Variants in LEKR1 observed in about 807,000 individuals in gnomAD.
LEKR1 encodes leucine, glutamate and lysine rich 1.
In LEKR1, 59 loss-of-function variants were observed where a neutral mutation model predicts 72.4. That is an observed-to-expected ratio of 0.82 (90% CI 0.66 to 1.01). LEKR1 has a LOEUF of 1.01. Ranked by LOEUF, LEKR1 falls within the 50% of genes least tolerant of loss-of-function variation. The pLI, the probability that LEKR1 is intolerant of heterozygous loss-of-function variation, is 0.00. For synonymous variants in LEKR1, 257 were observed against 263.2 expected (o/e 0.98, Z 0.23); for missense variants, 728 against 759.2 (o/e 0.96, Z 0.48).
intron 12 of LEKR1, among the ~76,000 whole-genome samples, chr3:157,029,205 G>T (rs1299818577): frequency 6.6e-6 from 1 of 152,124 alleles, no homozygotes; most frequent in Non-Finnish European, 1.5e-5. Context: ...ATATGCCATG[G>T]TCTTGCTATA....
At chr3:156,932,776 A>G (rs1426260297) in intron 5 of LEKR1, among the ~76,000 whole-genome samples, 1 of 151,014 alleles carries the variant, frequency 6.6e-6, no homozygotes, top group African/African-American at 2.4e-5. Context: ...CACGCCTGTA[A>G]TCCCGGCAAT....
In LEKR1 at chr3:157,045,503, C is replaced by A. The variant is rs199968777; in HGVS notation, c.1832C>A (p.Ala611Asp). 1 of 1,614,174 alleles carries A rather than the reference C, an allele frequency of 6.2e-7. No individual in the cohort carries two copies. Among genetic ancestry groups the A allele is most frequent in the Non-Finnish European group, 8.5e-7 (1 of 1,180,016 alleles). The change falls in exon 13 of 13, where the codon GCT becomes GAT. Residue 611 changes from alanine (A) to aspartate (D), a missense_variant. Ala to Asp is a moderately radical substitution (Grantham distance 126). Coordinates refer to ENST00000356539, the MANE Select transcript of LEKR1 (RefSeq NM_001004316.3). ...AGCAAGGGCAGCCTAACCTCCCCTG[C>A]TGCAGCAGTCAGTAATCATGGAGAG... Reference protein sequence around the residue: ...SLSKGSLTSPAAAVSNHGERS... With the variant: ...SLSKGSLTSPDAAVSNHGERS...
chr3:156,881,393 A>G (rs1719321995), intron 3 of LEKR1, among the ~76,000 whole-genome samples: 1 of 152,142 alleles, frequency 6.6e-6, no homozygotes. Flanking sequence ...GTGAACTCCC[A>G]TTCACAATTG....
chr3:156,982,455 T>C (rs1295118171), intron 7 of LEKR1, among the ~76,000 whole-genome samples: 1 of 152,190 alleles, frequency 6.6e-6, no homozygotes, highest in Non-Finnish European at 1.5e-5. Flanking sequence ...CTCCTTATAT[T>C]TCCTTGTCTA....
intron 3 of LEKR1, among the ~76,000 whole-genome samples, chr3:156,895,237 G>A (rs1343685212): frequency 5.9e-5 from 9 of 152,254 alleles, no homozygotes; most frequent in East Asian, 5.8e-4. Flanking sequence ...ATGAACAGAC[G>A]TTTCTCAAAG....
intron 6 of LEKR1, among the ~76,000 whole-genome samples, chr3:156,977,119 A>C (rs1357237065): frequency 6.6e-6 from 1 of 152,076 alleles, no homozygotes; most frequent in Admixed American, 6.6e-5. Flanking sequence ...ATGATGAAAA[A>C]TACTCACTCT....
chr3:157,034,837 G>T (rs2108042423), intron 12 of LEKR1, among the ~76,000 whole-genome samples: 1 of 152,090 alleles, frequency 6.6e-6, no homozygotes, highest in Non-Finnish European at 1.5e-5. Flanking sequence ...TTTTGAGACA[G>T]AGTTTCACTC....
intron 7 of LEKR1, among the ~76,000 whole-genome samples, chr3:156,989,548 A>G (rs1730983334): frequency 1.3e-5 from 2 of 152,076 alleles, no homozygotes; most frequent in East Asian, 1.9e-4. Context: ...GTACCCCTGC[A>G]TTTCTAGCTC....
intron 3 of LEKR1, among the ~76,000 whole-genome samples, chr3:156,919,028 A>G (rs1723928711): frequency 6.6e-6 from 1 of 152,198 alleles, no homozygotes; most frequent in South Asian, 2.1e-4. Flanking sequence ...TGCTCTGGCA[A>G]GAATGGATTA....
chr3:156,897,688 C>G (rs1347205497), intron 3 of LEKR1, among the ~76,000 whole-genome samples: 1 of 152,178 alleles, frequency 6.6e-6, no homozygotes, highest in Admixed American at 6.5e-5. Context: ...TGTGGTGGCT[C>G]ACGCCTGTAA....
intron 12 of LEKR1, among the ~76,000 whole-genome samples, chr3:157,040,534 C>A (rs1735272291): frequency 6.6e-6 from 1 of 152,178 alleles, no homozygotes; most frequent in Non-Finnish European, 1.5e-5. Flanking sequence ...TTGGACTGAT[C>A]AGATTAGTTG....
chr3:156,839,841 A>G (rs1324649424), intron 2 of LEKR1, among the ~76,000 whole-genome samples: 1 of 152,230 alleles, frequency 6.6e-6, no homozygotes, highest in Non-Finnish European at 1.5e-5. Context: ...AAGGATTGGC[A>G]CTATATAGAA....
At chr3:156,827,697 A>C (rs914271814) in intron 1 of LEKR1, among the ~76,000 whole-genome samples, 1 of 152,132 alleles carries the variant, frequency 6.6e-6, no homozygotes, top group Admixed American at 6.5e-5. Context: ...AGGACTTTTA[A>C]TTTTTAGTTT....
intron 3 of LEKR1, among the ~76,000 whole-genome samples, chr3:156,870,639 A>G (rs1442574319): frequency 6.6e-6 from 1 of 151,784 alleles, no homozygotes; most frequent in Non-Finnish European, 1.5e-5. Context: ...GGACAATTTG[A>G]CTCTTTTCCC....
intron 2 of LEKR1, among the ~76,000 whole-genome samples, chr3:156,839,194 ACAT>A (rs1713562036): frequency 6.6e-6 from 1 of 152,180 alleles, no homozygotes; most frequent in Non-Finnish European, 1.5e-5. Flanking sequence ...GAAAAGATAA[ACAT>A]CAGGTGTTAG....
At chr3:156,843,581 T>TA (rs1714210484) in intron 2 of LEKR1, among the ~76,000 whole-genome samples, 1 of 152,216 alleles carries the variant, frequency 6.6e-6, no homozygotes. Context: ...TCCCCAGCAG[T>TA]AACAGCTCAT....
chr3:156,873,882 G>A (rs888294742), intron 3 of LEKR1, among the ~76,000 whole-genome samples: 1 of 151,994 alleles, frequency 6.6e-6, no homozygotes, highest in Non-Finnish European at 1.5e-5. Context: ...GTTTGATGGG[G>A]ATTCCTTTAA....
intron 12 of LEKR1, among the ~76,000 whole-genome samples, chr3:157,033,706 G>T (rs1734778163): frequency 6.6e-6 from 1 of 152,130 alleles, no homozygotes; most frequent in Non-Finnish European, 1.5e-5. Context: ...TTATGAGGTA[G>T]CTACATTAAA....
At chr3:156,995,452 A>G (rs1731487277) in intron 9 of LEKR1, among the ~76,000 whole-genome samples, 1 of 150,996 alleles carries the variant, frequency 6.6e-6, no homozygotes, top group Admixed American at 6.6e-5. Flanking sequence ...TACTTTCTTT[A>G]TTCTCTCTGC....
Sources: gnomAD v4.1 joint callset for allele counts (sites outside exome capture counted in the v4.1 genomes callset) on GRCh38, gnomAD v4.1.1 for gene constraint, MANE v1.5 for transcripts, NCBI Gene and HGNC (gene_info 2026-07-23, HGNC 2026-07-21) for gene names.